The following GEN1 variants were observed in gnomAD, a reference collection of about 807,000 sequenced individuals.
GEN1 encodes GEN1 structure-specific endonuclease.
GEN1 carries 64 observed loss-of-function variants against 67.6 expected under a neutral mutation model. That is an observed-to-expected ratio of 0.95 (90% CI 0.77 to 1.17). GEN1 has a LOEUF of 1.17. Among genes scored for constraint, GEN1 ranks in the 50% most tolerant of loss-of-function variants. The pLI is 0.00. For synonymous variants in GEN1, 371 were observed against 359.4 expected (o/e 1.03, Z -0.37); for missense variants, 1,058 against 1,048.3 (o/e 1.01, Z -0.13).
Position 17,782,330 on chromosome 2 carries a change from G to C in GEN1, c.*391G>C, listed in dbSNP as rs1316219123. 1 of 153,940 alleles carries C rather than the reference G, an allele frequency of 6.5e-6. No individual in the cohort carries two copies. Among genetic ancestry groups the C allele is most frequent in the Non-Finnish European group, 1.4e-5 (1 of 69,462 alleles). 9.5% of individuals were successfully genotyped at this position (153,940 alleles called of 1,614,324 possible). On this transcript the variant is annotated 3_prime_UTR_variant, in exon 14 of 14. Coordinates refer to ENST00000381254, the MANE Select transcript of GEN1 (RefSeq NM_001130009.3). Reference sequence around the variant, plus strand: ...TTTATACTTCTCTTCATTCTTTTAAGGCCTTGCAAGGTCTTCCGTTATAAC... The same window carrying C: ...TTTATACTTCTCTTCATTCTTTTAACGCCTTGCAAGGTCTTCCGTTATAAC...
chr2:17,764,194 C>G (rs1395614615), intron 3 of GEN1, among the ~76,000 whole-genome samples: 1 of 152,338 alleles, frequency 6.6e-6, no homozygotes, highest in East Asian at 1.9e-4. Context: ...ACACTGACAG[C>G]TGACTTCTCC....
At chr2:17,761,231 G>GA (rs1261310360) in intron 2 of GEN1, among the ~76,000 whole-genome samples, 165 bp from the exon 3 acceptor site, 1 of 152,070 alleles carries the variant, frequency 6.6e-6, no homozygotes, top group African/African-American at 2.4e-5. Context: ...CTCTGTCAAA[G>GA]AAAAAGAAAA....
rs2125151847 is a variant in GEN1, at chr2:17,774,295, T to C, written c.1096T>C (p.Trp366Arg). Residue 366 changes from tryptophan to arginine, a missense_variant, in exon 11 of 14, where the codon TGG becomes CGG. Physicochemically the swap from Trp to Arg is moderately radical, Grantham distance 101. Coordinates refer to ENST00000381254, the MANE Select transcript of GEN1 (RefSeq NM_001130009.3). ...GAGATTTACTCTTGAAAAAATGGAG[T>C]GGCCCAATCACTATGCATGTGAGAA... ...FQRFTLEKME[W>R]PNHYACEKLL... is the part of the protein sequence containing the mutation. 2 of 1,570,280 alleles carry C rather than the reference T, an allele frequency of 1.3e-6. No homozygotes were observed. Among genetic ancestry groups the C allele is most frequent in the Non-Finnish European group, 1.7e-6 (2 of 1,152,400 alleles).
intron 1 of GEN1, chr2:17,754,716 CT>C: frequency 6.6e-6 from 1 of 152,366 alleles, no homozygotes; most frequent in Non-Finnish European, 1.5e-5. Context: ...TGGGTGTTCC[CT>C]TTTCCGTGTT....
At chr2:17,775,833 T>C (rs900087172) in intron 11 of GEN1, among the ~76,000 whole-genome samples, 3 of 152,184 alleles carry the variant, frequency 2.0e-5, no homozygotes, top group African/African-American at 7.2e-5. Flanking sequence ...TATAATATTT[T>C]TGCCAAAAAA....
At position 17,781,854 on chromosome 2, in the gene GEN1, A is replaced by T. The variant is rs201891945; in HGVS notation, c.2642A>T (p.His881Leu). ...TKSSLSSLQC[H>L]KKENNSGTCL... ...AGTTCTCTGAGTTCTCTACAATGTC[A>T]TAAGAAAGAAAACAACTCTGGTACT... The change falls in exon 14 of 14, where the codon CAT (histidine) becomes CTT (leucine). Residue 881 changes from histidine (H) to leucine (L), a missense_variant. Physicochemically the swap from His to Leu is moderately conservative, Grantham distance 99 (BLOSUM62 -3). Coordinates refer to ENST00000381254, the MANE Select transcript of GEN1 (RefSeq NM_001130009.3). 2 of 1,605,242 alleles carry T rather than the reference A, an allele frequency of 1.2e-6. No homozygotes were observed. The highest frequency in any genetic ancestry group is 1.7e-6 in the Non-Finnish European group (2 of 1,177,672).
chr2:17,757,613 C>G (rs1572387205), intron 1 of GEN1, among the ~76,000 whole-genome samples: 1 of 152,094 alleles, frequency 6.6e-6, no homozygotes, highest in Admixed American at 6.5e-5. Flanking sequence ...GTGCCCTGGC[C>G]AACTCCACAG....
At position 17,771,189 on chromosome 2, in the gene GEN1, A is replaced by G; in HGVS notation, c.711-7A>G. On this transcript the variant is annotated splice_polypyrimidine_tract_variant and splice_region_variant and intron_variant, in intron 6 of 13. Coordinates refer to ENST00000381254, the MANE Select transcript of GEN1 (RefSeq NM_001130009.3). ...TTCCTTTTTTTAAAAACCACTTTCT[A>G]TTAAAGGTTTAATCGGTGGAATGAA... 1.9e-6 allele frequency: 3 copies of G among 1,589,330 alleles called. No individual in the cohort carries two copies. Among genetic ancestry groups the G allele is most frequent in the African/African-American group, 2.7e-5 (2 of 74,516 alleles).
chr2:17,765,148 T>C, intron 4 of GEN1, 75 bp downstream of exon 4: 1 of 1,412,080 alleles, frequency 7.1e-7, no homozygotes, highest in East Asian at 2.3e-5. Context: ...AATGAAATAG[T>C]AGATATAAAA....
At chr2:17,777,016 C>G (rs1672463627) in intron 11 of GEN1, among the ~76,000 whole-genome samples, 1 of 152,110 alleles carries the variant, frequency 6.6e-6, no homozygotes, top group Non-Finnish European at 1.5e-5. Context: ...ATCCCATTTA[C>G]TTGGGATGCT....
rs1272635391 is a variant in GEN1, at chr2:17,785,933, G to A, written c.*3994G>A. The A allele has an allele frequency of 3.9e-5, 6 of 152,068 alleles. No homozygotes were observed. Among genetic ancestry groups the A allele is most frequent in the East Asian group, 3.9e-4 (2 of 5,186 alleles). The allele number at this position is 152,068 out of a possible 1,614,324, so 9.4% of individuals were successfully genotyped here. On this transcript the variant is annotated 3_prime_UTR_variant, in exon 14 of 14. Coordinates refer to ENST00000381254, the MANE Select transcript of GEN1 (RefSeq NM_001130009.3). Reference sequence around the variant, plus strand: ...AATTAAAAAAAAATATACAATCTCCGTCTTCTAGATTTTATAATGAGGACT... The same window carrying A: ...AATTAAAAAAAAATATACAATCTCCATCTTCTAGATTTTATAATGAGGACT...
At chr2:17,761,986 T>C (rs1211221416) in intron 3 of GEN1, among the ~76,000 whole-genome samples, 1 of 152,170 alleles carries the variant, frequency 6.6e-6, no homozygotes, top group Non-Finnish European at 1.5e-5. Flanking sequence ...CGTACTTCAC[T>C]CATTCAGAAT....
chr2:17,778,213 T>C (rs1294782300), intron 12 of GEN1, 150 bp downstream of exon 12: 5 of 470,622 alleles, frequency 1.1e-5, no homozygotes, highest in South Asian at 2.4e-5. Flanking sequence ...TGTGTATATA[T>C]ATGTATACAC....
intron 13 of GEN1, 111 bp from the exon 14 acceptor site, chr2:17,780,510 G>T: frequency 1.5e-6 from 1 of 686,680 alleles, no homozygotes; most frequent in South Asian, 2.3e-5. Flanking sequence ...ATCAAAAAAA[G>T]GCAGAAACTA....
chr2:17,785,897 AT>A lies in GEN1; in HGVS notation c.*3960del, dbSNP rs1673041037. 6.6e-6 allele frequency: 1 copy of A among 152,186 alleles called. No individual in the cohort carries two copies. Among genetic ancestry groups the A allele is most frequent in the Non-Finnish European group, 1.5e-5 (1 of 68,024 alleles). 9.4% of individuals were successfully genotyped at this position (152,186 alleles called of 1,614,324 possible). On this transcript the variant is annotated 3_prime_UTR_variant, in exon 14 of 14. Coordinates refer to ENST00000381254, the MANE Select transcript of GEN1 (RefSeq NM_001130009.3). ...ATGGGCGAAAAAGTGTCTAAAAAAA[AT>A]TAAAATTTAAATTAAAAAAAAATAT...
Position 17,785,933 on chromosome 2 carries a change from G to T in GEN1, c.*3994G>T, listed in dbSNP as rs1272635391. The T allele has an allele frequency of 6.6e-6, 1 of 152,068 alleles. No individual in the cohort carries two copies. Among genetic ancestry groups the T allele is most frequent in the Non-Finnish European group, 1.5e-5 (1 of 68,014 alleles). 9.4% of individuals were successfully genotyped at this position (152,068 alleles called of 1,614,324 possible). Reference sequence around the variant, plus strand: ...AATTAAAAAAAAATATACAATCTCCGTCTTCTAGATTTTATAATGAGGACT... The same window carrying T: ...AATTAAAAAAAAATATACAATCTCCTTCTTCTAGATTTTATAATGAGGACT... On this transcript the variant is annotated 3_prime_UTR_variant, in exon 14 of 14. Coordinates refer to ENST00000381254, the MANE Select transcript of GEN1 (RefSeq NM_001130009.3).
chr2:17,774,230 A>G (rs1301531757), intron 10 of GEN1, 41 bp from the exon 11 acceptor site: 1 of 1,224,464 alleles, frequency 8.2e-7, no homozygotes, highest in South Asian at 1.6e-5. Flanking sequence ...TTTGTCTCCA[A>G]GAGATAACAA....
chr2:17,768,801 T>A lies in GEN1; in HGVS notation c.700T>A (p.Leu234Ile). 1 of 1,598,466 alleles carries A rather than the reference T, an allele frequency of 6.3e-7. No individual in the cohort carries two copies. The highest frequency in any genetic ancestry group is 8.6e-7 in the Non-Finnish European group (1 of 1,166,564). The change falls in exon 6 of 14, where the codon TTA becomes ATA. Residue 234 changes from leucine (L) to isoleucine (I), a missense_variant. Physicochemically the swap from Leu to Ile is conservative, Grantham distance 5. Coordinates refer to ENST00000381254, the MANE Select transcript of GEN1 (RefSeq NM_001130009.3). ...TATACAGATTTTGAAAGGGCAAAGT[T>A]TACTTCAGAGGTAACTAATAATTAC... is the stretch of plus-strand genomic sequence containing the variant. The part of the protein sequence containing the change: ...KLIQILKGQS[L>I]LQRFNRWNET...
intron 1 of GEN1, 177 bp downstream of exon 1, chr2:17,754,522 G>C (rs1671304895): frequency 6.6e-6 from 1 of 152,204 alleles, no homozygotes; most frequent in Non-Finnish European, 1.5e-5. Flanking sequence ...CTTGGCCCCT[G>C]TTTTCCACTC....
Sources: allele counts gnomAD v4.1 joint callset (sites outside exome capture counted in the v4.1 genomes callset), GRCh38; gene constraint gnomAD v4.1.1; transcripts MANE v1.5; gene names NCBI Gene and HGNC (gene_info 2026-07-23, HGNC 2026-07-21).